Variants in SIL1 observed in about 807,000 individuals in gnomAD.
SIL1 encodes SIL1 nucleotide exchange factor.
SIL1 carries 40 observed loss-of-function variants against 49.1 expected under a neutral mutation model. That is an observed-to-expected ratio of 0.81 (90% CI 0.63 to 1.06). The LOEUF (loss-of-function observed/expected upper bound fraction) is 1.06. Ranked by LOEUF, SIL1 falls within the 50% of genes least tolerant of loss-of-function variation. The probability of loss-of-function intolerance (pLI) is 0.00; values close to 1 mark genes in which losing one functional copy is unlikely to be tolerated. For synonymous variants in SIL1, 253 were observed against 250.8 expected (o/e 1.01, Z -0.08); for missense variants, 500 against 572.6 (o/e 0.87, Z 1.29).
At chr5:139,049,275 C>T (rs183339644) in intron 4 of SIL1, among the ~76,000 whole-genome samples, 2 of 152,286 alleles carry the variant, frequency 1.3e-5, no homozygotes, top group East Asian at 1.9e-4. Flanking sequence ...CAGGTTCAAG[C>T]GATTCTTCTG....
intron 1 of SIL1, among the ~76,000 whole-genome samples, chr5:139,143,332 C>CATATATATAT (rs1228701435): frequency 6.6e-5 from 6 of 90,602 alleles, no homozygotes; most frequent in African/African-American, 2.7e-4. Flanking sequence ...CACACACACA[C>CATATATATAT]ACACACACAC....
At chr5:139,086,747 G>A (rs1393136718) in intron 3 of SIL1, among the ~76,000 whole-genome samples, 1 of 151,598 alleles carries the variant, frequency 6.6e-6, no homozygotes, top group Non-Finnish European at 1.5e-5. Context: ...ATCACTTGAG[G>A]TCAGGTGTTC....
chr5:138,959,698 C>G (rs1009875511), intron 7 of SIL1, among the ~76,000 whole-genome samples: 1 of 152,190 alleles, frequency 6.6e-6, no homozygotes, highest in Non-Finnish European at 1.5e-5. Context: ...TCTATGGGAC[C>G]CTGTTCCACT....
intron 3 of SIL1, among the ~76,000 whole-genome samples, chr5:139,118,247 T>C (rs1284528182): frequency 1.3e-5 from 2 of 152,196 alleles, no homozygotes; most frequent in African/African-American, 4.8e-5. Flanking sequence ...GTAAGTTCCC[T>C]TTCCCATGTA....
At chr5:139,092,744 C>T (rs535380888) in intron 3 of SIL1, among the ~76,000 whole-genome samples, 13 of 152,288 alleles carry the variant, frequency 8.5e-5, no homozygotes, top group African/African-American at 3.1e-4. Flanking sequence ...TTTTGTTGCT[C>T]CTAATGACCT....
intron 1 of SIL1, among the ~76,000 whole-genome samples, chr5:139,160,177 ACACACACAC>A (rs1751483894): frequency 6.6e-6 from 1 of 151,010 alleles, no homozygotes. Context: ...ACACACACAC[ACACACACAC>A]AAAAGTTATA....
chr5:138,981,933 GAC>G (rs1767537016), intron 7 of SIL1, among the ~76,000 whole-genome samples: 1 of 151,962 alleles, frequency 6.6e-6, no homozygotes. Context: ...TCTTGGCTCT[GAC>G]ACAGTCTAGC....
intron 3 of SIL1, among the ~76,000 whole-genome samples, chr5:139,056,464 T>C (rs1441688137): frequency 7.1e-6 from 1 of 140,420 alleles, no homozygotes; most frequent in Non-Finnish European, 1.5e-5. Context: ...GTGAGGAGCG[T>C]CTCCGCCCGG....
At chr5:139,195,308 T>A (rs779187671) in intron 1 of SIL1, among the ~76,000 whole-genome samples, 39 of 152,256 alleles carry the variant, frequency 2.6e-4, no homozygotes, top group Non-Finnish European at 3.1e-4. Flanking sequence ...ATTTATTGCA[T>A]TCCTATGTCC....
Position 138,948,652 on chromosome 5 carries a change from C to A in SIL1, c.1030-1179G>T, listed in dbSNP as rs1389538734. Among the ~76,000 whole-genome samples, 1 of 152,164 alleles carries A rather than the reference C, an allele frequency of 6.6e-6. No homozygotes were observed. Among genetic ancestry groups the A allele is most frequent in the Non-Finnish European group, 1.5e-5 (1 of 68,032 alleles). On this transcript the variant is annotated intron_variant, in intron 9 of 9. Coordinates refer to ENST00000394817, the MANE Select transcript of SIL1 (RefSeq NM_022464.5). The surrounding 1 kb of genome is among the most constrained non-coding windows in gnomAD (Gnocchi z 4.8). ...CACCCCCGCATTGGCCCCATTCACT[C>A]CACGGCTCCCTGCACACCTCACCGC...
At chr5:139,122,393 G>A (rs926683825) in intron 2 of SIL1, among the ~76,000 whole-genome samples, 1 of 152,140 alleles carries the variant, frequency 6.6e-6, no homozygotes, top group African/African-American at 2.4e-5. Context: ...AAGAGTTCAA[G>A]ACCAGCCTGG....
intron 3 of SIL1, among the ~76,000 whole-genome samples, chr5:139,092,391 A>C (rs946075364): frequency 3.3e-5 from 5 of 152,216 alleles, no homozygotes; most frequent in African/African-American, 1.2e-4. Flanking sequence ...TCTGTAGATA[A>C]ATTGAACCCA....
chr5:139,147,609 G>A (rs1751218461), intron 1 of SIL1, among the ~76,000 whole-genome samples: 1 of 152,162 alleles, frequency 6.6e-6, no homozygotes, highest in South Asian at 2.1e-4. Context: ...AATTATTTCA[G>A]CAGCTGTAAA....
intron 1 of SIL1, among the ~76,000 whole-genome samples, chr5:139,150,856 T>C (rs1490827079): frequency 6.6e-6 from 1 of 151,998 alleles, no homozygotes; most frequent in African/African-American, 2.4e-5. Flanking sequence ...GGGAATTATA[T>C]CCCAGGCAAG....
intron 3 of SIL1, among the ~76,000 whole-genome samples, chr5:139,084,800 TA>T (rs199603063): frequency 0.01 from 1,574 of 150,618 alleles, 13 homozygotes; most frequent in African/African-American, 0.026. Flanking sequence ...TAAAAATAAA[TA>T]AAAAAAAATA....
intron 3 of SIL1, among the ~76,000 whole-genome samples, chr5:139,092,619 C>T (rs1053025681): frequency 3.9e-5 from 6 of 152,102 alleles, no homozygotes; most frequent in Admixed American, 3.9e-4. Flanking sequence ...ATGATGGGCA[C>T]CACACCAAAA....
intron 3 of SIL1, among the ~76,000 whole-genome samples, chr5:139,068,412 T>C (rs1769753075): frequency 6.6e-6 from 1 of 152,124 alleles, no homozygotes; most frequent in Non-Finnish European, 1.5e-5. Flanking sequence ...TCTAGTCCCC[T>C]GAACTCTCAA....
At chr5:139,064,962 C>T (rs191768329) in intron 3 of SIL1, among the ~76,000 whole-genome samples, 11 of 152,326 alleles carry the variant, frequency 7.2e-5, no homozygotes, top group East Asian at 5.8e-4. Context: ...CTCTGCCTGG[C>T]TCTTGCCTCT....
intron 5 of SIL1, among the ~76,000 whole-genome samples, chr5:139,031,406 CA>C (rs1404432652): frequency 6.6e-6 from 1 of 152,088 alleles, no homozygotes; most frequent in African/African-American, 2.4e-5. Flanking sequence ...TTGCACCTGT[CA>C]AAAATCAGTC....
Sources: gnomAD v4.1 joint callset for allele counts (sites outside exome capture counted in the v4.1 genomes callset) on GRCh38, gnomAD v4.1.1 for gene constraint, Gnocchi (gnomAD v3.1) non-coding constraint, MANE v1.5 for transcripts, NCBI Gene and HGNC (gene_info 2026-07-23, HGNC 2026-07-21) for gene names.